NKPD1: variants seen among roughly 807,000 people sequenced by gnomAD.
NKPD1 encodes NTPase KAP family P-loop domain containing 1.
NKPD1 carries 37 observed loss-of-function variants against 42.2 expected under a neutral mutation model. The ratio of observed to expected loss-of-function variants is 0.88; its 90% CI spans 0.67 to 1.15. NKPD1 has a LOEUF of 1.15. NKPD1 is among the 50% of genes most tolerant of loss of function. The probability of loss-of-function intolerance (pLI) is 0.00; values close to 1 mark genes in which losing one functional copy is unlikely to be tolerated. For missense variants in NKPD1, 1,113 were observed against 1,174.6 expected (o/e 0.95, Z 0.77); for synonymous variants, 552 against 536.5 (o/e 1.03, Z -0.40).
chr19:45,160,269 C>T (rs775287968), intron 1 of NKPD1, 48 bp from the exon 2 acceptor site: 11 of 473,004 alleles, frequency 2.3e-5, no homozygotes, highest in Non-Finnish European at 3.6e-5. Context: ...CTGCCCTGCC[C>T]GACAGCTTGG....
chr19:45,157,557 G>T (rs974592263), intron 3 of NKPD1, among the ~76,000 whole-genome samples: 1 of 151,902 alleles, frequency 6.6e-6, no homozygotes, highest in Non-Finnish European at 1.5e-5. Flanking sequence ...GACCACAGGC[G>T]TGCATCACTA....
chr19:45,154,988 G>A (rs566384262), intron 4 of NKPD1, among the ~76,000 whole-genome samples: 351 of 144,128 alleles, frequency 2.4e-3, no homozygotes, highest in Middle Eastern at 7.7e-3. Flanking sequence ...CTGCGCCACT[G>A]CAGTACAGCC....
chr19:45,155,755 T>TC (rs1968890073), intron 4 of NKPD1, 30 bp downstream of exon 4: 4 of 1,283,712 alleles, frequency 3.1e-6, no homozygotes, highest in Non-Finnish European at 4.1e-6. Context: ...TTTCTCATCC[T>TC]CCCCCCAACA....
upstream of NKPD1, among the ~76,000 whole-genome samples, chr19:45,161,486 G>C (rs190305066): frequency 1.3e-5 from 2 of 152,216 alleles, no homozygotes; most frequent in Admixed American, 6.5e-5. Flanking sequence ...ACACATCAAG[G>C]CTTGCTACAC....
intron 4 of NKPD1, 109 bp from the exon 5 acceptor site, chr19:45,153,884 G>A: frequency 1.7e-6 from 2 of 1,151,900 alleles, no homozygotes; most frequent in Non-Finnish European, 2.3e-6. Context: ...GCGCCCAGCA[G>A]AGGCGAGGGG....
At chr19:45,159,203 A>T in intron 2 of NKPD1, 103 bp from the exon 3 acceptor site, 1 of 1,112,316 alleles carries the variant, frequency 9.0e-7, no homozygotes. Context: ...GGGCCAGAGT[A>T]TTCTTGGGAG....
chr19:45,161,822 C>T (rs1490178572), upstream of NKPD1, among the ~76,000 whole-genome samples: 1 of 152,228 alleles, frequency 6.6e-6, no homozygotes, highest in Admixed American at 6.5e-5. Context: ...ACGGGGTCAA[C>T]AGTTGCTTCC....
At position 45,152,110 on chromosome 19, in the gene NKPD1, G is replaced by A. The variant is rs763502084; in HGVS notation, c.2327C>T (p.Thr776Ile). ...PSPPKSPTRDTPHAAHRANSA... is the reference protein window; with the variant it reads ...PSPPKSPTRDIPHAAHRANSA... ...GTTGGCCCGGTGGGCAGCGTGGGGGGTATCGCGGGTAGGGGACTTGGGCGG... is the reference window on the plus strand; with the variant it reads ...GTTGGCCCGGTGGGCAGCGTGGGGGATATCGCGGGTAGGGGACTTGGGCGG... Residue 776 changes from threonine (T) to isoleucine (I), a missense_variant, in exon 5 of 5, where the codon ACC (threonine) becomes ATC (isoleucine). By Grantham distance (89) the Thr-to-Ile change is moderately conservative (BLOSUM62 -1). Coordinates refer to ENST00000686631, the MANE Select transcript of NKPD1 (RefSeq NM_198478.4). 3 of 1,604,910 alleles carry A rather than the reference G, an allele frequency of 1.9e-6. No homozygotes were observed. The highest frequency in any genetic ancestry group is 2.5e-6 in the Non-Finnish European group (3 of 1,176,868).
At chr19:45,159,419 C>T (rs868419873) in intron 2 of NKPD1, among the ~76,000 whole-genome samples, 3 of 151,968 alleles carry the variant, frequency 2.0e-5, no homozygotes, top group Non-Finnish European at 4.4e-5. Context: ...TGGGGGGTGC[C>T]GCCAGTGCAG....
At chr19:45,153,859 C>T in intron 4 of NKPD1, 84 bp from the exon 5 acceptor site, 1 of 1,330,446 alleles carries the variant, frequency 7.5e-7, no homozygotes. Context: ...CGGAGCGCTC[C>T]TGGAGAGGCG....
At chr19:45,160,880 A>G (rs1968991731) in intron 1 of NKPD1, among the ~76,000 whole-genome samples, 45 bp downstream of exon 1, 1 of 151,840 alleles carries the variant, frequency 6.6e-6, no homozygotes, top group Non-Finnish European at 1.5e-5. Context: ...GAGAGTTGGT[A>G]GCCTGCCCAC....
chr19:45,155,694 G>T, intron 4 of NKPD1, 91 bp downstream of exon 4: 1 of 1,209,922 alleles, frequency 8.3e-7, no homozygotes, highest in Non-Finnish European at 1.1e-6. Context: ...TGGCCACAGG[G>T]GTGGGGGGAT....
chr19:45,162,274 G>C (rs1969021977), upstream of NKPD1, among the ~76,000 whole-genome samples: 1 of 152,190 alleles, frequency 6.6e-6, no homozygotes, highest in Non-Finnish European at 1.5e-5. Context: ...GGCAGACACA[G>C]GACACAGCTA....
At position 45,152,430 on chromosome 19, in the gene NKPD1, C is replaced by T. The variant is rs748513839; in HGVS notation, c.2007G>A (p.Trp669Ter). The change falls in exon 5 of 5, where the codon TGG becomes TGA. Residue 669 changes from tryptophan to a stop codon, truncating the protein, a stop_gained. Coordinates refer to ENST00000686631, the MANE Select transcript of NKPD1 (RefSeq NM_198478.4). LOFTEE classifies it low-confidence loss of function (END_TRUNC). ...GCCGGTCCTCCAGGCACTGCAGCGCCCAGCTCAGGCGGCACGGCCACTGGT... is the reference window on the plus strand; with the variant it reads ...GCCGGTCCTCCAGGCACTGCAGCGCTCAGCTCAGGCGGCACGGCCACTGGT... ...LANQWPCRLS[W>*]ALQCLEDRQQ... is the part of the protein sequence containing the mutation. 3 of 1,564,848 alleles carry T rather than the reference C, an allele frequency of 1.9e-6. No homozygotes were observed. Among genetic ancestry groups the T allele is most frequent in the Non-Finnish European group, 8.6e-7 (1 of 1,158,320 alleles).
At chr19:45,157,277 G>A (rs1472208874) in intron 3 of NKPD1, among the ~76,000 whole-genome samples, 2 of 152,174 alleles carry the variant, frequency 1.3e-5, no homozygotes, top group African/African-American at 2.4e-5. Flanking sequence ...TTGCTGGCCC[G>A]GGAACATGCC....
rs967823150 is a variant in NKPD1 at position 45,151,280 on chromosome 19, G to C, written c.*658C>G. Reference sequence around the variant, plus strand: ...AGTTATTTGTCTGGGGGAGGTTAGTGCCACCCACTCCAGCTGGCTGAGGTG... The same window carrying C: ...AGTTATTTGTCTGGGGGAGGTTAGTCCCACCCACTCCAGCTGGCTGAGGTG... On this transcript the variant is annotated 3_prime_UTR_variant, in exon 5 of 5. Coordinates refer to ENST00000686631, the MANE Select transcript of NKPD1 (RefSeq NM_198478.4). 2 of 152,300 alleles carry C rather than the reference G, an allele frequency of 1.3e-5. No homozygotes were observed. The highest frequency in any genetic ancestry group is 2.9e-5 in the Non-Finnish European group (2 of 68,128). 9.4% of individuals were successfully genotyped at this position (152,300 alleles called of 1,614,324 possible).
chr19:45,157,102 C>T (rs2122792550), intron 3 of NKPD1, among the ~76,000 whole-genome samples: 1 of 152,368 alleles, frequency 6.6e-6, no homozygotes, highest in African/African-American at 2.4e-5. Flanking sequence ...GCTGCCGCCA[C>T]CCCGGCAAGG....
At position 45,153,468 on chromosome 19, in the gene NKPD1, C is replaced by A; in HGVS notation, c.969G>T (p.Pro323=). 1 of 1,551,096 alleles carries A rather than the reference C, an allele frequency of 6.4e-7. No homozygotes were observed. The highest frequency in any genetic ancestry group is 1.9e-5 in the Admixed American group (1 of 51,656). The stretch of plus-strand genomic sequence containing the variant: ...TCTGGCAGCAGTCCTGCCTGGTGGC[C>A]GGCTTGTTGCCCAGCACCGAGTACA... The part of the protein sequence containing the change: ...FSVYSVLGNK[P]ATRQDCCQSE... Residue 323 remains proline (P), a synonymous_variant, in exon 5 of 5, where the codon CCG becomes CCT. Coordinates refer to ENST00000686631, the MANE Select transcript of NKPD1 (RefSeq NM_198478.4).
At position 45,152,153 on chromosome 19, in the gene NKPD1, C is replaced by T; in HGVS notation, c.2284G>A (p.Ala762Thr). 1.3e-6 allele frequency: 2 copies of T among 1,598,700 alleles called. No individual in the cohort carries two copies. Among genetic ancestry groups the T allele is most frequent in the Non-Finnish European group, 1.7e-6 (2 of 1,173,606 alleles). Reference protein sequence around the residue: ...RRMGLIRAVSALKPPSPPKSP... With the variant: ...RRMGLIRAVSTLKPPSPPKSP... ...TTGGGCGGGCTGGGCGGCTTGAGCG[C>T]GCTGACGGCTCGGATGAGACCCATG... The change falls in exon 5 of 5, where the codon GCG (alanine) becomes ACG (threonine). Residue 762 changes from alanine to threonine, a missense_variant. By Grantham distance (58) the Ala-to-Thr change is moderately conservative. Around this residue, in one of 3 missense-constraint regions of NKPD1, gnomAD observed 867 missense variants for 870.1 expected, o/e 1.00. Transcript: ENST00000686631.
Sources: allele counts gnomAD v4.1 joint callset (sites outside exome capture counted in the v4.1 genomes callset), GRCh38; gene constraint gnomAD v4.1.1; regional missense constraint gnomAD v4.1.1; transcripts MANE v1.5; gene names NCBI Gene and HGNC (gene_info 2026-07-23, HGNC 2026-07-21).